Variants in FAM174B observed in about 807,000 individuals in gnomAD.
The protein encoded by FAM174B is membrane protein FAM174B.
FAM174B carries 12 observed loss-of-function variants against 10.9 expected under a neutral mutation model. That is an observed-to-expected ratio of 1.10 (90% CI 0.71 to 1.79). The LOEUF is 1.79. FAM174B is among the 40% of genes most tolerant of loss of function. FAM174B has a pLI of 0.00. For missense variants in FAM174B, 266 were observed against 233.3 expected (o/e 1.14, Z -0.91); for synonymous variants, 132 against 115.8 (o/e 1.14, Z -0.90).
At chr15:92,635,583 T>C (rs1407108313) in intron 1 of FAM174B, among the ~76,000 whole-genome samples, 5 of 148,722 alleles carry the variant, frequency 3.4e-5, no homozygotes, top group East Asian at 1.9e-4. Context: ...TTCTTTCTTT[T>C]TTTTTTTTTT....
chr15:92,655,763 C>T lies in FAM174B; in HGVS notation c.-104G>A. 9.7e-7 allele frequency: 1 copy of T among 1,026,310 alleles called. No individual in the cohort carries two copies. The highest frequency in any genetic ancestry group is 1.2e-6 in the Non-Finnish European group (1 of 818,552). The allele number at this position is 1,026,310 out of a possible 1,614,324, so 63.6% of individuals were successfully genotyped here. ...CCGGGGGATCCTGCGGCGGAGGCGGCTGCGCGGTGCTTGGCAGGAAGCTGC... is the reference window on the plus strand; with the variant it reads ...CCGGGGGATCCTGCGGCGGAGGCGGTTGCGCGGTGCTTGGCAGGAAGCTGC... On this transcript the variant is annotated 5_prime_UTR_variant, in exon 1 of 3. Transcript: ENST00000327355.
chr15:92,633,785 C>T (rs780124152), intron 1 of FAM174B, among the ~76,000 whole-genome samples: 2 of 152,102 alleles, frequency 1.3e-5, no homozygotes, highest in Non-Finnish European at 2.9e-5. Flanking sequence ...CATTCTCTCC[C>T]CCAAGAGATA....
chr15:92,632,685 T>G (rs1272893489), intron 1 of FAM174B, among the ~76,000 whole-genome samples: 2 of 151,912 alleles, frequency 1.3e-5, no homozygotes, highest in Non-Finnish European at 2.9e-5. Context: ...TGGGTTGTTT[T>G]TTTTTTTTCT....
chr15:92,650,131 A>G (rs1476133472), intron 1 of FAM174B, among the ~76,000 whole-genome samples: 1 of 152,242 alleles, frequency 6.6e-6, no homozygotes, highest in Non-Finnish European at 1.5e-5. Context: ...CCTAAATGCT[A>G]AAAGTATTAA....
Position 92,650,370 on chromosome 15 carries a change from G to A in FAM174B, c.344+4946C>T, listed in dbSNP as rs961542006. On this transcript the variant is annotated intron_variant, in intron 1 of 2. Transcript: ENST00000327355. ...CAGACCGCTTAGAATTCAACCTCCC[G>A]ATCCCTCGGGAAGCACCAAAAAGAA... Among the ~76,000 whole-genome samples the A allele has an allele frequency of 4.6e-5, 7 of 152,124 alleles. 1 individual carries two copies. The highest frequency in any genetic ancestry group is 2.1e-4 in the South Asian group (1 of 4,832).
intron 1 of FAM174B, among the ~76,000 whole-genome samples, chr15:92,653,631 CT>C (rs1235164191): frequency 6.6e-6 from 1 of 152,234 alleles, no homozygotes; most frequent in African/African-American, 2.4e-5. Context: ...CATGGTTGGA[CT>C]GAAGGATGCA....
At chr15:92,633,717 T>C (rs2050834458) in intron 1 of FAM174B, among the ~76,000 whole-genome samples, 1 of 152,136 alleles carries the variant, frequency 6.6e-6, no homozygotes, top group Non-Finnish European at 1.5e-5. Flanking sequence ...GACAACAGTA[T>C]TTAGAAATCA....
At chr15:92,635,579 CTTTT>C (rs34666199) in intron 1 of FAM174B, among the ~76,000 whole-genome samples, 2 of 128,250 alleles carry the variant, frequency 1.6e-5, no homozygotes, top group Non-Finnish European at 1.6e-5. Flanking sequence ...ATATTTCTTT[CTTTT>C]TTTTTTTTTT....
At chr15:92,645,650 A>G (rs1368009923) in intron 1 of FAM174B, 1 of 152,300 alleles carries the variant, frequency 6.6e-6, no homozygotes, top group African/African-American at 2.4e-5. Flanking sequence ...AAGGGAAGTG[A>G]GGTTTAAAGC....
At chr15:92,641,833 A>G (rs2050894014) in intron 1 of FAM174B, among the ~76,000 whole-genome samples, 2 of 152,226 alleles carry the variant, frequency 1.3e-5, no homozygotes, top group African/African-American at 4.8e-5. Flanking sequence ...CAAAATTTAA[A>G]ACTTTTGTGC....
In FAM174B at chr15:92,655,317, T is replaced by A; in HGVS notation, c.343A>T (p.Arg115Trp). ...AAGGAAGAGGGCGGGAGGGCCCACCTGAAGACGCGCAGCAGCAGGCAGGCG... is the reference window on the plus strand; with the variant it reads ...AAGGAAGAGGGCGGGAGGGCCCACCAGAAGACGCGCAGCAGCAGGCAGGCG... ...LIACLLLRVF[R>W]SGKRLKKTRK... Residue 115 changes from arginine (R) to tryptophan (W), a missense_variant and splice_region_variant, in exon 1 of 3, where the codon AGG becomes TGG. Arg to Trp is a moderately radical substitution (Grantham distance 101). Coordinates refer to ENST00000327355, the MANE Select transcript of FAM174B (RefSeq NM_207446.3). 6.4e-7 allele frequency: 1 copy of A among 1,558,494 alleles called. No individual in the cohort carries two copies. The highest frequency in any genetic ancestry group is 8.7e-7 in the Non-Finnish European group (1 of 1,151,622).
intron 1 of FAM174B, among the ~76,000 whole-genome samples, chr15:92,635,211 G>A (rs2050847419): frequency 6.7e-6 from 1 of 149,962 alleles, no homozygotes; most frequent in African/African-American, 2.5e-5. Context: ...TATTGATTCT[G>A]TTTCCCTGAA....
At chr15:92,636,630 G>C (rs1470867428) in intron 1 of FAM174B, among the ~76,000 whole-genome samples, 2 of 152,188 alleles carry the variant, frequency 1.3e-5, no homozygotes, top group Non-Finnish European at 2.9e-5. Context: ...GCGGAGATAG[G>C]CTGCATGGGG....
intron 2 of FAM174B, among the ~76,000 whole-genome samples, chr15:92,620,253 C>G (rs1227709870): frequency 1.3e-5 from 2 of 152,218 alleles, no homozygotes; most frequent in Non-Finnish European, 2.9e-5. Context: ...AATCCCAGCA[C>G]TTTGGGAGGC....
intron 1 of FAM174B, among the ~76,000 whole-genome samples, chr15:92,649,766 A>T (rs998544471): frequency 1.3e-5 from 2 of 152,192 alleles, no homozygotes; most frequent in African/African-American, 4.8e-5. Flanking sequence ...TCCAGATATG[A>T]CCAAATAACA....
chr15:92,638,471 G>C lies in FAM174B; in HGVS notation c.345-8126C>G, dbSNP rs141081628. ...CAGGCCCTGGCAGCCTACAGAGGGG[G>C]AGGCCTTCCTTCCTCGCCCTCACCC... On this transcript the variant is annotated intron_variant, in intron 1 of 2. Coordinates refer to ENST00000327355, the MANE Select transcript of FAM174B (RefSeq NM_207446.3). 1.6e-3 allele frequency among the ~76,000 whole-genome samples: 243 copies of C among 152,314 alleles called. 6 individuals are homozygous for C. In the East Asian group the frequency reaches 0.04, roughly 25 times the overall value.
intron 2 of FAM174B, among the ~76,000 whole-genome samples, chr15:92,626,367 G>C (rs1443525148): frequency 6.6e-6 from 1 of 152,048 alleles, no homozygotes; most frequent in Admixed American, 6.5e-5. Flanking sequence ...CAAAGTGCTG[G>C]ATTATAGGCG....
intron 1 of FAM174B, among the ~76,000 whole-genome samples, chr15:92,632,057 C>G (rs990320972): frequency 6.6e-6 from 1 of 151,694 alleles, no homozygotes; most frequent in Non-Finnish European, 1.5e-5. Flanking sequence ...TAAGCCTGCA[C>G]ACAGCAGGCT....
chr15:92,636,749 C>T lies in FAM174B; in HGVS notation c.345-6404G>A, dbSNP rs147902343. Among the ~76,000 whole-genome samples, 1,183 of 152,304 alleles carry T rather than the reference C, an allele frequency of 7.8e-3. 47 individuals are homozygous for T. Among genetic ancestry groups the T allele is most frequent in the Admixed American group, 0.061 (927 of 15,294 alleles). On this transcript the variant is annotated intron_variant, in intron 1 of 2. Coordinates refer to ENST00000327355, the MANE Select transcript of FAM174B (RefSeq NM_207446.3). ...TCCAGCTGAGACCTCCCCAACAGGT[C>T]GCCTTGAGTCATCCCTGGTATGCCC...
Sources: gnomAD v4.1 joint callset for allele counts (sites outside exome capture counted in the v4.1 genomes callset) on GRCh38, gnomAD v4.1.1 for gene constraint, MANE v1.5 for transcripts, NCBI Gene and HGNC (gene_info 2026-07-23, HGNC 2026-07-21) for gene names.